The following SPRED3 variants were observed in gnomAD, a reference collection of about 807,000 sequenced individuals.
The protein encoded by SPRED3 is sprouty-related, EVH1 domain-containing protein 3.
Under a neutral mutation model 37.6 loss-of-function variants are expected in SPRED3, and 23 were observed. The observed-to-expected ratio is 0.61, with a 90% CI of 0.44 to 0.87. SPRED3 has a LOEUF of 0.87. Ranked by LOEUF, SPRED3 falls within the 40% of genes least tolerant of loss-of-function variation. SPRED3 has a pLI of 0.00. For missense variants in SPRED3, 584 were observed against 618.6 expected, an observed-to-expected ratio of 0.94 and a Z score of 0.59; for synonymous variants, 302 against 279.6, an observed-to-expected ratio of 1.08 and a Z score of -0.80.
Position 38,392,253 on chromosome 19 carries a change from T to C in SPRED3, c.388T>C (p.Ser130Pro). Residue 130 changes from serine (S) to proline (P), a missense_variant, in exon 4 of 6, where the codon TCC becomes CCC. By Grantham distance (74) the Ser-to-Pro change is moderately conservative. This residue lies in a region of SPRED3 where 310 missense variants were observed against 281.1 expected (regional missense o/e 1.10). Coordinates refer to ENST00000691638, the MANE Select transcript of SPRED3 (RefSeq NM_001394336.1). ...CTCCTCCTCCTCCTCCTCCTCTCCT[T>C]CCCAGGATACTGCAGAGACCCCCTG... ...PSSSSSSSSP[S>P]QDTAETPCPL... The C allele has an allele frequency of 6.3e-7, 1 of 1,593,376 alleles. No individual in the cohort carries two copies. Among genetic ancestry groups the C allele is most frequent in the Non-Finnish European group, 8.5e-7 (1 of 1,169,920 alleles).
intron 4 of SPRED3, chr19:38,394,274 C>T: frequency 3.6e-6 from 5 of 1,393,018 alleles, no homozygotes; most frequent in Non-Finnish European, 3.8e-6. Flanking sequence ...TTCTGAGAAG[C>T]GGGAAGACGA....
At position 38,395,113 on chromosome 19, in the gene SPRED3, G is replaced by A. The variant is rs929843337; in HGVS notation, c.567+327G>A. On this transcript the variant is annotated intron_variant, in intron 5 of 5. Transcript: ENST00000691638. This position sits in a 1 kb window ranked among gnomAD's most constrained non-coding sequence, Gnocchi z 5.2. Reference sequence around the variant, plus strand: ...AGAGGACTGTTAAATTCACGGGGAGGGTGGGAGAGTCGGTACCCAGAAGGG... The same window carrying A: ...AGAGGACTGTTAAATTCACGGGGAGAGTGGGAGAGTCGGTACCCAGAAGGG... 1.5e-4 allele frequency among the ~76,000 whole-genome samples: 23 copies of A among 152,128 alleles called. No individual in the cohort carries two copies. Among genetic ancestry groups the A allele is most frequent in the African/African-American group, 5.6e-4 (23 of 41,436 alleles).
intron 2 of SPRED3, among the ~76,000 whole-genome samples, chr19:38,391,397 T>G (rs1049387536): frequency 6.6e-6 from 1 of 151,978 alleles, no homozygotes; most frequent in Non-Finnish European, 1.5e-5. Context: ...AGAAGAGGAT[T>G]CACAATAATA....
chr19:38,394,803 T>TGG lies in SPRED3; in HGVS notation c.567+20_567+21dup. On this transcript the variant is annotated intron_variant, in intron 5 of 5. Transcript: ENST00000691638. ...TCCGCTCAGGTGCGACCTGGGAGCC[T>TGG]GGGGCTCCTGGGGGAATGGGGCGGT... The TGG allele has an allele frequency of 6.5e-7, 1 of 1,531,634 alleles. No individual in the cohort carries two copies. The highest frequency in any genetic ancestry group is 8.8e-7 in the Non-Finnish European group (1 of 1,141,884). The allele number at this position is 1,531,634 out of a possible 1,614,324, so 94.9% of individuals were successfully genotyped here.
At chr19:38,394,133 T>C (rs545946217) in intron 4 of SPRED3, among the ~76,000 whole-genome samples, 4 of 152,288 alleles carry the variant, frequency 2.6e-5, no homozygotes, top group Non-Finnish European at 2.9e-5. Flanking sequence ...TGAGAAGTCG[T>C]TTCAGCTAGT....
Position 38,396,079 on chromosome 19 carries a change from C to T in SPRED3, c.1167C>T (p.Cys389=). 2 of 1,333,178 alleles carry T rather than the reference C, an allele frequency of 1.5e-6. No individual in the cohort carries two copies. Among genetic ancestry groups the T allele is most frequent in the Admixed American group, 3.7e-5 (1 of 27,220 alleles). 82.6% of individuals were successfully genotyped at this position (1,333,178 alleles called of 1,614,324 possible). ...GCTGCTACGCGCCCCTGCGCGCGTG[C>T]CACTGGGTCGCAGCGCGATGCGGCT... is the stretch of plus-strand genomic sequence containing the variant. ...CLCCYAPLRA[C]HWVAARCGCA... Residue 389 remains cysteine, a synonymous_variant, in exon 6 of 6, where the codon TGC becomes TGT. Transcript: ENST00000691638.
rs930317019 is a variant in SPRED3 at position 38,390,486 on chromosome 19, C to T, written c.177+7C>T. On this transcript the variant is annotated splice_region_variant and intron_variant, in intron 2 of 5. Transcript: ENST00000691638. ...ACGCCTCCGGGACCAGAAAGTGAGC[C>T]ACCCTGGGGCATGCGGGGAGGGTAG... 7 of 1,344,006 alleles carry T rather than the reference C, an allele frequency of 5.2e-6. No individual in the cohort carries two copies. Among genetic ancestry groups the T allele is most frequent in the Middle Eastern group, 2.3e-4 (1 of 4,332 alleles). 83.3% of individuals were successfully genotyped at this position (1,344,006 alleles called of 1,614,324 possible).
rs1240844576 is a variant in SPRED3 at position 38,392,288 on chromosome 19, G to A, written c.423G>A (p.Thr141=). 9 of 1,552,160 alleles carry A rather than the reference G, an allele frequency of 5.8e-6. No individual in the cohort carries two copies. The highest frequency in any genetic ancestry group is 1.4e-5 in the African/African-American group (1 of 72,752). ...CTGCAGAGACCCCCTGCCCTCTGAC[G>A]GTGAGTGTCCAGGATGCCTCTCTGC... ...QDTAETPCPL[T]SHVDSDSSSS... Residue 141 remains threonine, a splice_region_variant and synonymous_variant, in exon 4 of 6, where the codon ACG becomes ACA. Coordinates refer to ENST00000691638, the MANE Select transcript of SPRED3 (RefSeq NM_001394336.1).
At chr19:38,390,868 G>A (rs902133468) in intron 2 of SPRED3, among the ~76,000 whole-genome samples, 2 of 148,870 alleles carry the variant, frequency 1.3e-5, no homozygotes, top group African/African-American at 2.5e-5. Context: ...CCTGGCCCCT[G>A]TCTGCCCTAA....
Position 38,390,495 on chromosome 19 carries a change from G to T in SPRED3, c.177+16G>T, listed in dbSNP as rs374109298. On this transcript the variant is annotated intron_variant, in intron 2 of 5. Coordinates refer to ENST00000691638, the MANE Select transcript of SPRED3 (RefSeq NM_001394336.1). Reference sequence around the variant, plus strand: ...GGACCAGAAAGTGAGCCACCCTGGGGCATGCGGGGAGGGTAGGGACCTGGG... The same window carrying T: ...GGACCAGAAAGTGAGCCACCCTGGGTCATGCGGGGAGGGTAGGGACCTGGG... The T allele has an allele frequency of 4.5e-6, 6 of 1,345,744 alleles. No individual in the cohort carries two copies. In the African/African-American group the frequency reaches 7.7e-5, roughly 17 times the overall value. 83.4% of individuals were successfully genotyped at this position (1,345,744 alleles called of 1,614,324 possible).
intron 4 of SPRED3, chr19:38,394,245 G>A: frequency 7.3e-7 from 1 of 1,360,884 alleles, no homozygotes; most frequent in Non-Finnish European, 9.8e-7. Flanking sequence ...AAGGCAGCTG[G>A]CTGCCCAGGG....
chr19:38,397,183 G>A lies in SPRED3; in HGVS notation c.*1038G>A, dbSNP rs1343797903. The A allele has an allele frequency of 6.6e-6, 1 of 152,132 alleles. No homozygotes were observed. Among genetic ancestry groups the A allele is most frequent in the East Asian group, 1.9e-4 (1 of 5,196 alleles). 9.4% of individuals were successfully genotyped at this position (152,132 alleles called of 1,614,324 possible). ...TCGAGTTCTCAAATAGCCCTCTCTT[G>A]CAGTCCCTCCTGGACCTGGATTTTG... On this transcript the variant is annotated 3_prime_UTR_variant, in exon 6 of 6. Transcript: ENST00000691638.
chr19:38,395,013 G>A lies in SPRED3; in HGVS notation c.567+227G>A, dbSNP rs1030454890. Among the ~76,000 whole-genome samples, 1 of 152,178 alleles carries A rather than the reference G, an allele frequency of 6.6e-6. No individual in the cohort carries two copies. On this transcript the variant is annotated intron_variant, in intron 5 of 5. Coordinates refer to ENST00000691638, the MANE Select transcript of SPRED3 (RefSeq NM_001394336.1). The surrounding 1 kb of genome is among the most constrained non-coding windows in gnomAD (Gnocchi z 5.2). ...GCCTCCCGAGTCTCCTTGCGCTCTT[G>A]GAGATTTTGAGGGGTTTCGAAGTCC... is the stretch of plus-strand genomic sequence containing the variant.
intron 1 of SPRED3, 74 bp from the exon 2 acceptor site, chr19:38,390,225 G>A (rs989697128): frequency 2.3e-6 from 3 of 1,297,150 alleles, no homozygotes; most frequent in African/African-American, 3.0e-5. Context: ...TGAGGGTTGA[G>A]GGAACATTCC....
At chr19:38,393,820 G>GT in intron 4 of SPRED3, among the ~76,000 whole-genome samples, 1 of 152,294 alleles carries the variant, frequency 6.6e-6, no homozygotes, top group East Asian at 1.9e-4. Context: ...GTGCAATTTG[G>GT]CACTTGCTGG....
At chr19:38,389,076 C>G (rs1434917833) in intron 1 of SPRED3, among the ~76,000 whole-genome samples, 2 of 152,238 alleles carry the variant, frequency 1.3e-5, no homozygotes, top group Non-Finnish European at 2.9e-5. Context: ...GACCACTCCC[C>G]CCGGGGGACA....
chr19:38,393,624 C>T (rs972983884), intron 4 of SPRED3, among the ~76,000 whole-genome samples: 3 of 152,028 alleles, frequency 2.0e-5, no homozygotes, highest in South Asian at 2.1e-4. Flanking sequence ...GTGTATTTCC[C>T]GGCCTATTTT....
At chr19:38,389,543 A>G (rs1429111982) in intron 1 of SPRED3, 2 of 152,050 alleles carry the variant, frequency 1.3e-5, no homozygotes, top group Non-Finnish European at 2.9e-5. Flanking sequence ...CCCCCATCCC[A>G]TCTTTCCCCC....
chr19:38,392,958 C>G (rs1376995225), intron 4 of SPRED3, among the ~76,000 whole-genome samples: 1 of 152,188 alleles, frequency 6.6e-6, no homozygotes, highest in Non-Finnish European at 1.5e-5. Flanking sequence ...TCCCAGGGCT[C>G]CAACTCACTC....
Sources: gnomAD v4.1 joint callset for allele counts (sites outside exome capture counted in the v4.1 genomes callset) on GRCh38, gnomAD v4.1.1 for gene constraint, gnomAD v4.1.1 regional missense constraint, Gnocchi (gnomAD v3.1) non-coding constraint, MANE v1.5 for transcripts, NCBI Gene and HGNC (gene_info 2026-07-23, HGNC 2026-07-21) for gene names.